GPR158: variants seen among roughly 807,000 people sequenced by gnomAD.
GPR158 encodes G protein-coupled receptor 158.
Under a neutral mutation model 78.2 loss-of-function variants are expected in GPR158, and 30 were observed. The observed-to-expected ratio is 0.38, with a 90% CI of 0.29 to 0.52. The LOEUF (loss-of-function observed/expected upper bound fraction) is 0.52, where lower values mean the gene tolerates loss of function less well. Among genes scored for constraint, GPR158 ranks in the 20% least tolerant of loss-of-function variants. GPR158 has a pLI of 0.83. For synonymous variants in GPR158, 581 were observed against 591.1 expected (o/e 0.98, Z 0.25); for missense variants, 1,463 against 1,523.5 (o/e 0.96, Z 0.66).
intron 2 of GPR158, among the ~76,000 whole-genome samples, chr10:25,305,315 A>C (rs1221709141): frequency 6.6e-6 from 1 of 152,202 alleles, no homozygotes; most frequent in African/African-American, 2.4e-5. Context: ...TAGTTCATTC[A>C]TCAGTCATAT....
rs202106057 is a variant in GPR158, at chr10:25,433,576, CGCGCGT to C, written c.1335+21114_1335+21119del. On this transcript the variant is annotated intron_variant, in intron 4 of 10. Transcript: ENST00000376351. Reference sequence around the variant, plus strand: ...GTGTGTGTGTGTGTGTGTGTGCGCGCGCGCGTGCGCGTGCGCATATATGAATGTCAA... The same window carrying C: ...GTGTGTGTGTGTGTGTGTGTGCGCGCGCGCGTGCGCATATATGAATGTCAA... Among the ~76,000 whole-genome samples the C allele has an allele frequency of 1.0e-3, 119 of 116,104 alleles. 2 individuals carry two copies. In the East Asian group the frequency reaches 0.014, roughly 14 times the overall value. The allele number at this position is 116,104 out of a possible 152,430, so 76.2% of individuals were successfully genotyped here. A position where few individuals can be genotyped will look rare whatever the true frequency, so the allele number is the denominator to read the frequency against.
intron 5 of GPR158, among the ~76,000 whole-genome samples, chr10:25,504,373 C>G (rs943985): frequency 0.6 from 90,691 of 152,038 alleles, 29,863 homozygotes; most frequent in African/African-American, 0.89. Flanking sequence ...CCTTAACTTG[C>G]TTTTATCTTT....
chr10:25,273,300 G>A (rs1455889687), intron 2 of GPR158, among the ~76,000 whole-genome samples: 1 of 151,740 alleles, frequency 6.6e-6, no homozygotes, highest in Non-Finnish European at 1.5e-5. Flanking sequence ...GTCTAACAGG[G>A]TATGCTTACT....
chr10:25,385,845 T>C (rs1240966336), intron 2 of GPR158, among the ~76,000 whole-genome samples: 1 of 152,210 alleles, frequency 6.6e-6, no homozygotes, highest in Admixed American at 6.5e-5. Context: ...CTTTATGTGC[T>C]CTGGATATTA....
intron 3 of GPR158, among the ~76,000 whole-genome samples, chr10:25,400,239 A>G (rs999948940): frequency 1.3e-5 from 2 of 152,172 alleles, no homozygotes; most frequent in Non-Finnish European, 2.9e-5. Flanking sequence ...AAGGATATAG[A>G]GCAAAGATAA....
intron 2 of GPR158, among the ~76,000 whole-genome samples, chr10:25,246,600 C>G (rs530955546): frequency 6.6e-6 from 1 of 152,306 alleles, no homozygotes; most frequent in Admixed American, 6.5e-5. Flanking sequence ...TGGCACCTGC[C>G]TGCAAAGAGC....
intron 5 of GPR158, among the ~76,000 whole-genome samples, chr10:25,473,821 C>A (rs1835544199): frequency 3.9e-5 from 6 of 152,018 alleles, no homozygotes; most frequent in Admixed American, 3.9e-4. Flanking sequence ...CTCCAACCAC[C>A]CTGACCTTAT....
chr10:25,276,583 C>T (rs1244839559), intron 2 of GPR158, among the ~76,000 whole-genome samples: 3 of 152,076 alleles, frequency 2.0e-5, no homozygotes, highest in Non-Finnish European at 4.4e-5. Flanking sequence ...AAGTGCAGTA[C>T]ATTACATTAG....
intron 1 of GPR158, among the ~76,000 whole-genome samples, chr10:25,196,325 T>A (rs1334875349): frequency 6.6e-6 from 1 of 152,136 alleles, no homozygotes; most frequent in Admixed American, 6.5e-5. Context: ...ATGAACCCTT[T>A]TTTTGCTCTC....
At chr10:25,402,845 T>G (rs1274025410) in intron 3 of GPR158, among the ~76,000 whole-genome samples, 2 of 151,906 alleles carry the variant, frequency 1.3e-5, no homozygotes, top group African/African-American at 4.8e-5. Flanking sequence ...AATTAGATAT[T>G]TGTGATTTGG....
chr10:25,419,262 TCTGA>T (rs1026817089), intron 4 of GPR158, among the ~76,000 whole-genome samples: 1 of 152,234 alleles, frequency 6.6e-6, no homozygotes, highest in African/African-American at 2.4e-5. Context: ...TTCATTTGTA[TCTGA>T]CTTATTTTAT....
chr10:25,474,172 G>A (rs757631074), intron 5 of GPR158, among the ~76,000 whole-genome samples: 3 of 152,102 alleles, frequency 2.0e-5, no homozygotes, highest in Non-Finnish European at 4.4e-5. Context: ...GAAAAGTCTA[G>A]TAAATAAGTT....
chr10:25,304,126 A>G (rs7907746), intron 2 of GPR158, among the ~76,000 whole-genome samples: 30,758 of 151,582 alleles, frequency 0.2, 5,254 homozygotes, highest in African/African-American at 0.47. Context: ...TTTTTCGTTT[A>G]CTTGTTTGTT....
chr10:25,473,028 G>C (rs1352169144), intron 5 of GPR158, among the ~76,000 whole-genome samples: 4 of 152,034 alleles, frequency 2.6e-5, no homozygotes, highest in Non-Finnish European at 5.9e-5. Context: ...TCCCTGTCTT[G>C]TGCCAATTTT....
At chr10:25,540,945 A>AAAAAT (rs1342123329) in intron 5 of GPR158, among the ~76,000 whole-genome samples, 4 of 82,922 alleles carry the variant, frequency 4.8e-5, no homozygotes, top group African/African-American at 3.9e-4. Flanking sequence ...GTATAATAAA[A>AAAAAT]ATATATATAT....
At chr10:25,569,462 C>T (rs1836974946) in intron 6 of GPR158, among the ~76,000 whole-genome samples, 1 of 152,158 alleles carries the variant, frequency 6.6e-6, no homozygotes, top group Non-Finnish European at 1.5e-5. Flanking sequence ...ATATTTATCA[C>T]ATTTTAACCA....
chr10:25,334,835 G>T (rs765817142), intron 2 of GPR158, among the ~76,000 whole-genome samples: 6 of 151,530 alleles, frequency 4.0e-5, no homozygotes, highest in Non-Finnish European at 8.8e-5. Flanking sequence ...CAATGCTTTA[G>T]TCTATTTGAT....
At chr10:25,304,334 T>C (rs1367561794) in intron 2 of GPR158, among the ~76,000 whole-genome samples, 4 of 152,076 alleles carry the variant, frequency 2.6e-5, no homozygotes, top group Admixed American at 2.6e-4. Context: ...ATGTTTCTTA[T>C]ATAAAACTGA....
chr10:25,306,016 C>A (rs1437548368), intron 2 of GPR158, among the ~76,000 whole-genome samples: 1 of 152,038 alleles, frequency 6.6e-6, no homozygotes, highest in African/African-American at 2.4e-5. Flanking sequence ...GATTTTTCCT[C>A]CCTCTCTACT....
Sources: allele counts gnomAD v4.1 joint callset (sites outside exome capture counted in the v4.1 genomes callset), GRCh38; gene constraint gnomAD v4.1.1; transcripts MANE v1.5; gene names NCBI Gene and HGNC (gene_info 2026-07-23, HGNC 2026-07-21).